Variants in YEATS2 observed in about 807,000 individuals in gnomAD.
YEATS2 encodes the protein YEATS domain-containing protein 2.
In YEATS2, 77 loss-of-function variants were observed where a neutral mutation model predicts 163.2. That is an observed-to-expected ratio of 0.47 (90% CI 0.39 to 0.57). The LOEUF is 0.57. Ranked by LOEUF, YEATS2 falls within the 20% of genes least tolerant of loss-of-function variation. The pLI is 0.00. For synonymous variants in YEATS2, 631 were observed against 645.1 expected (o/e 0.98, Z 0.33); for missense variants, 1,549 against 1,729.8 (o/e 0.90, Z 1.85).
At position 183,785,331 on chromosome 3, in the gene YEATS2, T is replaced by C. The variant is rs552261798; in HGVS notation, c.2737-794T>C. Among the ~76,000 whole-genome samples the C allele has an allele frequency of 2.0e-5, 3 of 151,112 alleles. No individual in the cohort carries two copies. In the South Asian group the frequency reaches 6.3e-4, roughly 32 times the overall value. ...GGTGAAACCCCATCTCTACTAAAAA[T>C]ACAAAAATTAGTTGGGCGTGGTGGC... On this transcript the variant is annotated intron_variant, in intron 19 of 30. Coordinates refer to ENST00000305135, the MANE Select transcript of YEATS2 (RefSeq NM_018023.5).
chr3:183,754,119 C>CA lies in YEATS2; in HGVS notation c.1151-5dup, dbSNP rs1560274014. 6.5e-7 allele frequency: 1 copy of CA among 1,539,598 alleles called. No homozygotes were observed. Among genetic ancestry groups the CA allele is most frequent in the South Asian group, 1.2e-5 (1 of 80,406 alleles). On this transcript the variant is annotated splice_polypyrimidine_tract_variant and splice_region_variant and intron_variant, in intron 10 of 30. Transcript: ENST00000305135. ...GACTTGCCGTTTGCCTCTTTCATCT[C>CA]AAGCAGGATTCCCAGCTAGCACTGA...
intron 19 of YEATS2, among the ~76,000 whole-genome samples, chr3:183,778,603 G>A (rs1320041172): frequency 6.6e-6 from 1 of 152,034 alleles, no homozygotes; most frequent in South Asian, 2.1e-4. Context: ...TGATCTGCCC[G>A]CCTCGGCCTC....
chr3:183,747,236 A>G (rs564634146), intron 8 of YEATS2, among the ~76,000 whole-genome samples: 1 of 152,286 alleles, frequency 6.6e-6, no homozygotes, highest in South Asian at 2.1e-4. Context: ...AAATATGTAT[A>G]GCCTGTCATT....
chr3:183,706,816 CAA>C (rs892225977), intron 1 of YEATS2, among the ~76,000 whole-genome samples: 1 of 142,768 alleles, frequency 7.0e-6, no homozygotes, highest in Non-Finnish European at 1.5e-5. Flanking sequence ...AACTCTGTCT[CAA>C]AAAAAAAAAA....
chr3:183,758,514 A>G (rs1489267270), intron 12 of YEATS2, among the ~76,000 whole-genome samples: 3 of 152,214 alleles, frequency 2.0e-5, no homozygotes, highest in Non-Finnish European at 2.9e-5. Context: ...AGTAGAACAT[A>G]CAAGTAGAAT....
chr3:183,754,096 C>T, intron 10 of YEATS2, 30 bp from the exon 11 acceptor site: 1 of 1,509,982 alleles, frequency 6.6e-7, no homozygotes, highest in Non-Finnish European at 8.9e-7. Flanking sequence ...CGATTGATGA[C>T]TTGCCGTTTG....
rs201824682 is a variant in YEATS2 at position 183,806,827 on chromosome 3, G to A, written c.3785-39G>A. ...GGAGACGGAAAGTCCTCTTCCGTTG[G>A]CCCCACAGCTGTTGTAACACTGCTT... On this transcript the variant is annotated intron_variant, in intron 27 of 30. Coordinates refer to ENST00000305135, the MANE Select transcript of YEATS2 (RefSeq NM_018023.5). 339 of 1,608,166 alleles carry A rather than the reference G, an allele frequency of 2.1e-4. No individual in the cohort carries two copies. The African/African-American group carries it at 3.8e-3, about 18-fold the overall frequency.
chr3:183,711,058 TA>T (rs944588743), intron 1 of YEATS2, among the ~76,000 whole-genome samples: 1 of 152,218 alleles, frequency 6.6e-6, no homozygotes, highest in Non-Finnish European at 1.5e-5. Flanking sequence ...AAATTAAGTT[TA>T]TTTTTTTTTA....
In YEATS2 at chr3:183,807,066, G is replaced by T; in HGVS notation, c.3985G>T (p.Glu1329Ter). ...KFYLPPTPGS[E>*]FIGDVTQKIG... ...CTACCTGCCACCAACCCCAGGGTCT[G>T]AATTTATTGGGGATGTCACACAGAA... Residue 1329 changes from glutamate to a stop codon, truncating the protein, a stop_gained, in exon 28 of 31, where the codon GAA becomes TAA. Coordinates refer to ENST00000305135, the MANE Select transcript of YEATS2 (RefSeq NM_018023.5). LOFTEE classifies it high-confidence loss of function. 6.2e-7 allele frequency: 1 copy of T among 1,613,784 alleles called. No homozygotes were observed. The highest frequency in any genetic ancestry group is 1.1e-5 in the South Asian group (1 of 90,944).
intron 3 of YEATS2, among the ~76,000 whole-genome samples, 174 bp from the exon 4 acceptor site, chr3:183,718,326 A>G (rs532555688): frequency 6.6e-6 from 1 of 152,256 alleles, no homozygotes; most frequent in South Asian, 2.1e-4. Flanking sequence ...CTTTCTCTTA[A>G]ATCTTTGCGA....
At chr3:183,746,726 A>G (rs941780977) in intron 8 of YEATS2, among the ~76,000 whole-genome samples, 7 of 148,604 alleles carry the variant, frequency 4.7e-5, no homozygotes, top group Middle Eastern at 3.5e-3. Flanking sequence ...GATTTCTTCC[A>G]TGGAACCACT....
At chr3:183,755,721 CTGAT>C (rs1218238014) in intron 11 of YEATS2, among the ~76,000 whole-genome samples, 1 of 125,770 alleles carries the variant, frequency 8.0e-6, no homozygotes, top group Non-Finnish European at 1.6e-5. Context: ...TGTTTACTTA[CTGAT>C]TTTCTTCCTT....
chr3:183,701,430 A>G (rs569859656), intron 1 of YEATS2, among the ~76,000 whole-genome samples: 1 of 152,170 alleles, frequency 6.6e-6, no homozygotes, highest in Admixed American at 6.5e-5. Context: ...TCTGTCGCCC[A>G]GGCTGGAGTG....
chr3:183,799,316 T>C (rs1158937274), intron 23 of YEATS2, among the ~76,000 whole-genome samples: 1 of 152,298 alleles, frequency 6.6e-6, no homozygotes, highest in Middle Eastern at 3.4e-3. Context: ...TGCTGAAATA[T>C]TGCAGCTTGG....
At position 183,717,745 on chromosome 3, in the gene YEATS2, C is replaced by T; in HGVS notation, c.195C>T (p.Asp65=). Residue 65 remains aspartate (D), a synonymous_variant, in exon 3 of 31, where the codon GAC becomes GAT. Coordinates refer to ENST00000305135, the MANE Select transcript of YEATS2 (RefSeq NM_018023.5). The part of the protein sequence containing the change: ...KNKEHEIEVI[D]QRLIEARRMM... ...AGGAACATGAAATTGAAGTCATTGACCAGGTATAATGATGATAAATTGAAA... is the reference window on the plus strand; with the variant it reads ...AGGAACATGAAATTGAAGTCATTGATCAGGTATAATGATGATAAATTGAAA... 6.5e-7 allele frequency: 1 copy of T among 1,533,132 alleles called. No homozygotes were observed. The allele number at this position is 1,533,132 out of a possible 1,614,324, so 95.0% of individuals were successfully genotyped here. A position where few individuals can be genotyped will look rare whatever the true frequency, so the allele number is the denominator to read the frequency against.
At position 183,701,183 on chromosome 3, in the gene YEATS2, G is replaced by A. The variant is rs1401369839; in HGVS notation, c.-20+3190G>A. Among the ~76,000 whole-genome samples, 4 of 151,020 alleles carry A rather than the reference G, an allele frequency of 2.6e-5. No homozygotes were observed. The South Asian group carries it at 8.4e-4, about 32-fold the overall frequency. On this transcript the variant is annotated intron_variant, in intron 1 of 30. Transcript: ENST00000305135. ...TGCAAGCTCTGCCTCCCGGGTTCAC[G>A]CCTTTTCCTGCCTCAGCCTCCTGGG...
At position 183,811,024 on chromosome 3, in the gene YEATS2, T is replaced by C. The variant is rs1329723151; in HGVS notation, c.*441T>C. On this transcript the variant is annotated 3_prime_UTR_variant, in exon 31 of 31. Transcript: ENST00000305135. ...CTCCAGCAGTTACCCTGAAGAGAGA[T>C]TGGGCTTCAGCCTTCAGCAGGTGGT... 5 of 176,748 alleles carry C rather than the reference T, an allele frequency of 2.8e-5. No homozygotes were observed. In the East Asian group the frequency reaches 4.8e-4, roughly 17 times the overall value. The allele number at this position is 176,748 out of a possible 1,614,324, so 10.9% of individuals were successfully genotyped here. A position where few individuals can be genotyped will look rare whatever the true frequency, so the allele number is the denominator to read the frequency against.
At chr3:183,707,002 A>G (rs952049246) in intron 1 of YEATS2, among the ~76,000 whole-genome samples, 2 of 152,254 alleles carry the variant, frequency 1.3e-5, no homozygotes, top group Admixed American at 1.3e-4. Context: ...AAAATGTTGT[A>G]TAAAATTACC....
At chr3:183,796,406 A>T (rs1404844496) in intron 21 of YEATS2, among the ~76,000 whole-genome samples, 1 of 151,704 alleles carries the variant, frequency 6.6e-6, no homozygotes. Context: ...AATGCCTAGA[A>T]CAGTTTTACG....
Sources: allele counts gnomAD v4.1 joint callset (sites outside exome capture counted in the v4.1 genomes callset), GRCh38; gene constraint gnomAD v4.1.1; transcripts MANE v1.5; gene names NCBI Gene and HGNC (gene_info 2026-07-23, HGNC 2026-07-21).